The following MYCBP2 variants were observed in gnomAD, a reference collection of about 807,000 sequenced individuals.
MYCBP2 encodes MYC binding protein 2, also known as E3 ubiquitin-protein ligase MYCBP2.
MYCBP2 carries 120 observed loss-of-function variants against 525.3 expected under a neutral mutation model. The observed-to-expected ratio is 0.23, with a 90% CI of 0.20 to 0.27. The LOEUF is 0.27. Ranked by LOEUF, MYCBP2 falls within the 10% of genes least tolerant of loss-of-function variation. The pLI is 1.00. For synonymous variants in MYCBP2, 1,894 were observed against 1,955.8 expected, an observed-to-expected ratio of 0.97 and a Z score of 0.83; for missense variants, 4,149 against 5,657.1, an observed-to-expected ratio of 0.73 and a Z score of 8.55.
chr13:77,244,403 AAT>A (rs1408730874), intron 15 of MYCBP2, among the ~76,000 whole-genome samples: 2 of 152,340 alleles, frequency 1.3e-5, no homozygotes, highest in African/African-American at 4.8e-5. Context: ...AGCTTCATGT[AAT>A]ATGTCTCCTT....
chr13:77,303,707 ATGC>A (rs755871361), intron 1 of MYCBP2, among the ~76,000 whole-genome samples: 1 of 152,174 alleles, frequency 6.6e-6, no homozygotes, highest in South Asian at 2.1e-4. Context: ...AATCGGTAGA[ATGC>A]TGCTAACGCA....
intron 52 of MYCBP2, among the ~76,000 whole-genome samples, chr13:77,138,826 A>T (rs2054154757): frequency 6.6e-6 from 1 of 152,250 alleles, no homozygotes; most frequent in Admixed American, 6.5e-5. Flanking sequence ...ATGTTTTTGA[A>T]TGTATAATTC....
chr13:77,151,355 T>C (rs2056427265), intron 46 of MYCBP2, among the ~76,000 whole-genome samples: 1 of 152,220 alleles, frequency 6.6e-6, no homozygotes, highest in African/African-American at 2.4e-5. Context: ...CTAATGTCAG[T>C]TTGAGCTGCA....
At position 77,176,626 on chromosome 13, in the gene MYCBP2, A is replaced by C; in HGVS notation, c.5343T>G (p.Ser1781Arg). ...EYELEVLVDD[S>R]EHAGDSTHSH... ...AATGAGTTGAATCTCCTGCATGTTC[A>C]CTCTAAAAAAAAAAAATGAAACACA... Residue 1781 changes from serine (S) to arginine (R), a missense_variant and splice_region_variant, in exon 36 of 83, where the codon AGT becomes AGG. Ser to Arg is a moderately radical substitution (Grantham distance 110, BLOSUM62 -1). Transcript: ENST00000544440. 2.0e-6 allele frequency: 3 copies of C among 1,514,234 alleles called. No homozygotes were observed. The highest frequency in any genetic ancestry group is 2.7e-6 in the Non-Finnish European group (3 of 1,127,108). 93.8% of individuals were successfully genotyped at this position (1,514,234 alleles called of 1,614,324 possible).
intron 49 of MYCBP2, among the ~76,000 whole-genome samples, chr13:77,141,342 C>T (rs1197273665): frequency 6.6e-6 from 1 of 152,200 alleles, no homozygotes; most frequent in Non-Finnish European, 1.5e-5. Flanking sequence ...CTGAGGTTCT[C>T]ATGTTAGACT....
intron 3 of MYCBP2, among the ~76,000 whole-genome samples, chr13:77,286,828 G>C (rs1179965074): frequency 2.0e-5 from 2 of 100,114 alleles, no homozygotes; most frequent in Non-Finnish European, 3.8e-5. Context: ...AGACCTTCCA[G>C]TCTTAAATAT....
chr13:77,203,433 G>T (rs1015332372), intron 26 of MYCBP2, among the ~76,000 whole-genome samples: 1 of 152,086 alleles, frequency 6.6e-6, no homozygotes, highest in African/African-American at 2.4e-5. Context: ...ATGCTCATGG[G>T]TAGGAAGAAT....
At chr13:77,059,501 G>A (rs2038882035) in intron 77 of MYCBP2, 22 bp downstream of exon 77, 13 of 1,543,610 alleles carry the variant, frequency 8.4e-6, no homozygotes, top group Non-Finnish European at 1.2e-5. Context: ...CAATGGGATG[G>A]CCTGTGTCAC....
chr13:77,078,901 A>G lies in MYCBP2; in HGVS notation c.11419-12T>C. 6.2e-7 allele frequency: 1 copy of G among 1,603,668 alleles called. No individual in the cohort carries two copies. The highest frequency in any genetic ancestry group is 8.5e-7 in the Non-Finnish European group (1 of 1,171,106). ...GAGGTAACTTTATTCTGAAATAGACAATTCACAATAGTTAATATGCTATAT... is the reference window on the plus strand; with the variant it reads ...GAGGTAACTTTATTCTGAAATAGACGATTCACAATAGTTAATATGCTATAT... On this transcript the variant is annotated splice_polypyrimidine_tract_variant and intron_variant, in intron 65 of 82. Transcript: ENST00000544440.
chr13:77,167,671 G>T (rs1210256238), intron 40 of MYCBP2, among the ~76,000 whole-genome samples: 1 of 152,244 alleles, frequency 6.6e-6, no homozygotes, highest in African/African-American at 2.4e-5. Context: ...TTATATTTAA[G>T]GGTCTTTATA....
At position 77,121,537 on chromosome 13, in the gene MYCBP2, C is replaced by A. The variant is rs777770688; in HGVS notation, c.8018-42G>T. 4 of 1,456,256 alleles carry A rather than the reference C, an allele frequency of 2.7e-6. No individual in the cohort carries two copies. The East Asian group carries it at 9.6e-5, about 35-fold the overall frequency. The allele number at this position is 1,456,256 out of a possible 1,614,324, so 90.2% of individuals were successfully genotyped here. A position where few individuals can be genotyped will look rare whatever the true frequency, so the allele number is the denominator to read the frequency against. ...AGCTGTAACATTAGTTTCTTACGTG[C>A]TATTCCCTATTCATACAACAAAGAG... On this transcript the variant is annotated intron_variant, in intron 54 of 82. Coordinates refer to ENST00000544440, the MANE Select transcript of MYCBP2 (RefSeq NM_015057.5).
intron 68 of MYCBP2, among the ~76,000 whole-genome samples, chr13:77,073,581 T>C (rs1037566629): frequency 3.9e-5 from 6 of 152,112 alleles, no homozygotes; most frequent in African/African-American, 7.2e-5. Context: ...TTAAGGCATA[T>C]AGTTTAGAAA....
Position 77,062,809 on chromosome 13 carries a change from T to C in MYCBP2, c.12673-112A>G, listed in dbSNP as rs12428894. 3.1e-4 allele frequency: 244 copies of C among 798,950 alleles called. 2 individuals carry two copies. The Admixed American group carries it at 5.3e-3, about 17-fold the overall frequency. The allele number at this position is 798,950 out of a possible 1,614,324, so 49.5% of individuals were successfully genotyped here. ...AATGCTGGCTGATTTTGAAAATACATAGATACTCAGTGGCACTCAAGTCTT... is the reference window on the plus strand; with the variant it reads ...AATGCTGGCTGATTTTGAAAATACACAGATACTCAGTGGCACTCAAGTCTT... On this transcript the variant is annotated intron_variant, in intron 73 of 82. Coordinates refer to ENST00000544440, the MANE Select transcript of MYCBP2 (RefSeq NM_015057.5).
chr13:77,180,037 C>T (rs1387257041), intron 34 of MYCBP2, 90 bp downstream of exon 34: 3 of 1,065,872 alleles, frequency 2.8e-6, no homozygotes, highest in African/African-American at 1.6e-5. Context: ...CTGAAATTAG[C>T]TTCCACAAAG....
chr13:77,051,174 G>A lies in MYCBP2; in HGVS notation c.13756-12C>T, dbSNP rs766320270. The A allele has an allele frequency of 1.3e-6, 2 of 1,595,188 alleles. No homozygotes were observed. Among genetic ancestry groups the A allele is most frequent in the Non-Finnish European group, 1.7e-6 (2 of 1,173,558 alleles). ...TGTTTGGGACACATCTATAGCAAAA[G>A]AGAAGAGACAGACACAAGATCATAG... On this transcript the variant is annotated splice_polypyrimidine_tract_variant and intron_variant, in intron 81 of 82. Transcript: ENST00000544440.
At position 77,076,771 on chromosome 13, in the gene MYCBP2, C is replaced by T. The variant is rs1183855138; in HGVS notation, c.11803G>A (p.Gly3935Arg). The T allele has an allele frequency of 6.2e-7, 1 of 1,606,094 alleles. No individual in the cohort carries two copies. The highest frequency in any genetic ancestry group is 8.5e-7 in the Non-Finnish European group (1 of 1,173,872). The change falls in exon 68 of 83, where the codon GGA becomes AGA. Residue 3935 changes from glycine (G) to arginine (R), a missense_variant. Gly to Arg is a moderately radical substitution (Grantham distance 125). Around this residue, in one of 21 missense-constraint regions of MYCBP2, gnomAD observed 509 missense variants for 789.4 expected, o/e 0.64. Transcript: ENST00000544440. ...AATACATTGTATACTTTTTCTTCTC[C>T]TTCAGGTGATGACAATAGTGCTTTT... ...EEKALLSSPE[G>R]EEKVYNATSD...
intron 21 of MYCBP2, among the ~76,000 whole-genome samples, chr13:77,214,484 T>G (rs999914267): frequency 1.3e-5 from 2 of 151,916 alleles, no homozygotes; most frequent in African/African-American, 4.8e-5. Flanking sequence ...TGAATTGATA[T>G]GGAGTGATTT....
In MYCBP2 at chr13:77,051,027, G is replaced by A; in HGVS notation, c.13891C>T (p.Pro4631Ser). The A allele has an allele frequency of 6.2e-7, 1 of 1,612,966 alleles. No homozygotes were observed. The highest frequency in any genetic ancestry group is 8.5e-7 in the Non-Finnish European group (1 of 1,179,662). Reference protein sequence around the residue: ...HDDFQRMTSIPKEELPHCPAG... With the variant: ...HDDFQRMTSISKEELPHCPAG... ...GGACAGTGTGGTAGTTCTTCCTTAG[G>A]AATGCTAGTCATTCTTTGAAAATCA... is the stretch of plus-strand genomic sequence containing the variant. The change falls in exon 82 of 83, where the codon CCT (proline) becomes TCT (serine). Residue 4631 changes from proline to serine, a missense_variant. Around this residue, in one of 21 missense-constraint regions of MYCBP2, gnomAD observed 45 missense variants for 130.1 expected, o/e 0.35. Coordinates refer to ENST00000544440, the MANE Select transcript of MYCBP2 (RefSeq NM_015057.5).
intron 21 of MYCBP2, among the ~76,000 whole-genome samples, chr13:77,216,253 A>G (rs1003896228): frequency 1.2e-4 from 19 of 152,322 alleles, no homozygotes; most frequent in African/African-American, 4.1e-4. Context: ...TATACCAATA[A>G]TAAGTAGAAA....
Sources: allele counts gnomAD v4.1 joint callset (sites outside exome capture counted in the v4.1 genomes callset), GRCh38; gene constraint gnomAD v4.1.1; regional missense constraint gnomAD v4.1.1; transcripts MANE v1.5; gene names NCBI Gene and HGNC (gene_info 2026-07-23, HGNC 2026-07-21).